DCAF8: variants seen among roughly 807,000 people sequenced by gnomAD.
DCAF8 encodes the protein DDB1 and CUL4 associated factor 8.
DCAF8 carries 20 observed loss-of-function variants against 68.0 expected under a neutral mutation model. The ratio of observed to expected loss-of-function variants is 0.29; its 90% CI spans 0.21 to 0.43. The LOEUF (loss-of-function observed/expected upper bound fraction) is 0.43. Ranked by LOEUF, DCAF8 falls within the 20% of genes least tolerant of loss-of-function variation. DCAF8 has a pLI of 1.00. For missense variants in DCAF8, 460 were observed against 771.0 expected (o/e 0.60, Z 4.78); for synonymous variants, 230 against 276.9 (o/e 0.83, Z 1.68).
intron 7 of DCAF8, among the ~76,000 whole-genome samples, chr1:160,229,323 C>T (rs1052564484): frequency 2.0e-5 from 3 of 151,906 alleles, no homozygotes; most frequent in Non-Finnish European, 4.4e-5. Context: ...CTTCACATAA[C>T]TTCTGCCCAG....
At chr1:160,223,935 AAACAC>A (rs1332497095) in intron 10 of DCAF8, among the ~76,000 whole-genome samples, 1 of 152,112 alleles carries the variant, frequency 6.6e-6, no homozygotes, top group Non-Finnish European at 1.5e-5. Context: ...ACACAAAACA[AAACAC>A]ATCAGATGAT....
chr1:160,254,720 G>C (rs1007213697), intron 2 of DCAF8, among the ~76,000 whole-genome samples: 7 of 152,248 alleles, frequency 4.6e-5, no homozygotes, highest in South Asian at 2.1e-4. Context: ...GAACCCGAGA[G>C]GGGAAGGTTT....
At chr1:160,256,157 G>A (rs55822344) in intron 2 of DCAF8, among the ~76,000 whole-genome samples, 1 of 151,050 alleles carries the variant, frequency 6.6e-6, no homozygotes, top group Non-Finnish European at 1.5e-5. Context: ...CTGGCTAAGA[G>A]AACTTTCTAT....
intron 5 of DCAF8, among the ~76,000 whole-genome samples, chr1:160,238,366 G>A (rs1367048799): frequency 6.6e-6 from 1 of 152,196 alleles, no homozygotes; most frequent in African/African-American, 2.4e-5. Flanking sequence ...AAACCAACTA[G>A]GGCTTAGCTT....
At chr1:160,255,906 C>G (rs1192557599) in intron 2 of DCAF8, among the ~76,000 whole-genome samples, 1 of 152,056 alleles carries the variant, frequency 6.6e-6, no homozygotes, top group Non-Finnish European at 1.5e-5. Flanking sequence ...AGATGTAAGC[C>G]ACCGTGCATG....
chr1:160,240,265 C>T lies in DCAF8; in HGVS notation c.155G>A (p.Gly52Glu). ...EASDLSLSLTGDDGGPNRTST... is the reference protein window; with the variant it reads ...EASDLSLSLTEDDGGPNRTST... ...GGTGCGGTTGGGGCCACCATCATCC[C>T]CAGTCAAGCTCAAACTCAGGTCTGA... Residue 52 changes from glycine to glutamate, a missense_variant, in exon 4 of 14, where the codon GGG becomes GAG. By Grantham distance (98) the Gly-to-Glu change is moderately conservative (BLOSUM62 -2). This residue lies in a region of DCAF8 where 156 missense variants were observed against 181.4 expected (regional missense o/e 0.86). Transcript: ENST00000368074. The T allele has an allele frequency of 1.2e-6, 2 of 1,614,102 alleles. No homozygotes were observed. The highest frequency in any genetic ancestry group is 1.7e-6 in the Non-Finnish European group (2 of 1,180,030).
At chr1:160,224,616 T>G in intron 9 of DCAF8, 67 bp from the exon 10 acceptor site, 1 of 1,288,772 alleles carries the variant, frequency 7.8e-7, no homozygotes, top group South Asian at 1.2e-5. Flanking sequence ...GAGGTGGGGG[T>G]TGGGGTGGGG....
intron 2 of DCAF8, among the ~76,000 whole-genome samples, chr1:160,251,356 C>T (rs1361452940): frequency 1.3e-5 from 2 of 152,136 alleles, no homozygotes; most frequent in Non-Finnish European, 2.9e-5. Flanking sequence ...TTTTTGTTTC[C>T]AAGATGAAAT....
At chr1:160,227,753 T>C (rs1655528330) in intron 7 of DCAF8, among the ~76,000 whole-genome samples, 1 of 152,232 alleles carries the variant, frequency 6.6e-6, no homozygotes, top group Non-Finnish European at 1.5e-5. Context: ...AGGCCATGGC[T>C]GTGTTCCAAT....
At chr1:160,237,346 C>T in intron 5 of DCAF8, 117 bp from the exon 6 acceptor site, 1 of 700,238 alleles carries the variant, frequency 1.4e-6, no homozygotes, top group East Asian at 2.8e-5. Context: ...AGAGAAATGT[C>T]TACCTTTTTG....
chr1:160,257,887 G>A (rs1359808425), intron 2 of DCAF8, among the ~76,000 whole-genome samples: 2 of 152,130 alleles, frequency 1.3e-5, no homozygotes, highest in Admixed American at 6.6e-5. Flanking sequence ...CTTGCCCCAT[G>A]CTTGGCTTTT....
At chr1:160,234,470 C>T (rs1185458144) in intron 6 of DCAF8, among the ~76,000 whole-genome samples, 1 of 152,154 alleles carries the variant, frequency 6.6e-6, no homozygotes, top group East Asian at 1.9e-4. Context: ...AACTCTCAGC[C>T]AGACTTTCTG....
intron 11 of DCAF8, 43 bp downstream of exon 11, chr1:160,222,608 T>C: frequency 6.2e-7 from 1 of 1,610,158 alleles, no homozygotes; most frequent in Non-Finnish European, 8.5e-7. Context: ...CCTTAATGAC[T>C]GGAGAGATTA....
At chr1:160,256,854 G>C (rs1656855529) in intron 2 of DCAF8, among the ~76,000 whole-genome samples, 1 of 152,144 alleles carries the variant, frequency 6.6e-6, no homozygotes, top group African/African-American at 2.4e-5. Context: ...GATGGTACTT[G>C]AGAAATCTGG....
intron 1 of DCAF8, chr1:160,261,762 G>C (rs1657100877): frequency 3.9e-5 from 6 of 152,290 alleles, no homozygotes. Context: ...CAAGCCACCA[G>C]ATGCTTTCCA....
At position 160,262,475 on chromosome 1, in the gene DCAF8, G is replaced by A. The variant is rs1473396281; in HGVS notation, c.-127C>T. On this transcript the variant is annotated 5_prime_UTR_variant, in exon 1 of 14. Coordinates refer to ENST00000368074, the MANE Select transcript of DCAF8 (RefSeq NM_015726.4). ...CTGGCCAGCGGCCGCCACCACCACC[G>A]CCTCCGCTCTCTGCGCTTGCGCCTG... 9 of 400,886 alleles carry A rather than the reference G, an allele frequency of 2.2e-5. No homozygotes were observed. The East Asian group carries it at 2.8e-4, about 13-fold the overall frequency. 24.8% of individuals were successfully genotyped at this position (400,886 alleles called of 1,614,324 possible). A position where few individuals can be genotyped will look rare whatever the true frequency, so the allele number is the denominator to read the frequency against.
chr1:160,226,818 G>A (rs916774717), intron 7 of DCAF8, among the ~76,000 whole-genome samples: 1 of 152,144 alleles, frequency 6.6e-6, no homozygotes, highest in African/African-American at 2.4e-5. Flanking sequence ...TCACCACTGA[G>A]ACTTCTCTGG....
rs937014346 is a variant in DCAF8 at position 160,217,127 on chromosome 1, T to C, written c.*465A>G. On this transcript the variant is annotated 3_prime_UTR_variant, in exon 14 of 14. Coordinates refer to ENST00000368074, the MANE Select transcript of DCAF8 (RefSeq NM_015726.4). ...GGGGGGAGCCAACTGTCATAAACTT[T>C]TAAAAAACAAAGGAAGAAAAGGTCA... 1 of 152,994 alleles carries C rather than the reference T, an allele frequency of 6.5e-6. No homozygotes were observed. Among genetic ancestry groups the C allele is most frequent in the African/African-American group, 2.4e-5 (1 of 41,362 alleles). The allele number at this position is 152,994 out of a possible 1,614,324, so 9.5% of individuals were successfully genotyped here.
At chr1:160,250,451 A>C (rs1294932030) in intron 2 of DCAF8, among the ~76,000 whole-genome samples, 2 of 127,014 alleles carry the variant, frequency 1.6e-5, no homozygotes, top group African/African-American at 6.0e-5. Context: ...GGGCAACAAG[A>C]GCGAAACTGT....
Sources: allele counts gnomAD v4.1 joint callset (sites outside exome capture counted in the v4.1 genomes callset), GRCh38; gene constraint gnomAD v4.1.1; regional missense constraint gnomAD v4.1.1; transcripts MANE v1.5; gene names NCBI Gene and HGNC (gene_info 2026-07-23, HGNC 2026-07-21).